Variants in CCDC7 observed in about 807,000 individuals in gnomAD.
CCDC7 encodes coiled-coil domain-containing protein 7.
Under a neutral mutation model 196.9 loss-of-function variants are expected in CCDC7, and 183 were observed. That is an observed-to-expected ratio of 0.93 (90% confidence interval 0.82 to 1.05). CCDC7 has a LOEUF of 1.05. Among genes scored for constraint, CCDC7 ranks in the 50% least tolerant of loss-of-function variants. The pLI is 0.00. For synonymous variants in CCDC7, 525 were observed against 484.6 expected, an observed-to-expected ratio of 1.08 and a Z score of -1.10; for missense variants, 1,540 against 1,482.2, an observed-to-expected ratio of 1.04 and a Z score of -0.64.
intron 28 of CCDC7, among the ~76,000 whole-genome samples, chr10:32,763,074 C>T (rs935964858): frequency 8.6e-5 from 13 of 151,698 alleles, no homozygotes; most frequent in African/African-American, 2.9e-4. Context: ...AAAAGAGAGC[C>T]AACAGATTCA....
At chr10:32,482,823 T>G (rs1204229052) in intron 8 of CCDC7, among the ~76,000 whole-genome samples, 1 of 152,232 alleles carries the variant, frequency 6.6e-6, no homozygotes, top group African/African-American at 2.4e-5. Flanking sequence ...ACAAAGGACA[T>G]GAACTCATCC....
chr10:32,621,360 T>C (rs1242868123), intron 18 of CCDC7, among the ~76,000 whole-genome samples: 1 of 152,306 alleles, frequency 6.6e-6, no homozygotes, highest in East Asian at 1.9e-4. Flanking sequence ...TCCCAGATAT[T>C]GAGGACAATT....
chr10:32,550,738 G>C (rs11599602), intron 13 of CCDC7, among the ~76,000 whole-genome samples: 20,416 of 152,012 alleles, frequency 0.13, 1,623 homozygotes, highest in African/African-American at 0.23. Flanking sequence ...CTGCATCCCT[G>C]GTATGAAACC....
intron 13 of CCDC7, among the ~76,000 whole-genome samples, chr10:32,550,597 G>T (rs1266910046): frequency 4.0e-5 from 6 of 151,782 alleles, no homozygotes; most frequent in Middle Eastern, 3.2e-3. Flanking sequence ...CCGTTTTGCT[G>T]AGAGTTTTAA....
chr10:32,454,273 T>C (rs1239557724), intron 2 of CCDC7, among the ~76,000 whole-genome samples: 1 of 152,154 alleles, frequency 6.6e-6, no homozygotes, highest in African/African-American at 2.4e-5. Context: ...GTGGTGGTGA[T>C]TACCCAACTA....
intron 8 of CCDC7, 109 bp downstream of exon 9, chr10:32,474,132 T>C (rs968371225): frequency 3.6e-6 from 4 of 1,100,146 alleles, no homozygotes; most frequent in Middle Eastern, 2.8e-4. Flanking sequence ...CCTTGGAGTT[T>C]GGAGCCATAT....
At chr10:32,821,645 G>A (rs2090221951) in intron 31 of CCDC7, among the ~76,000 whole-genome samples, 2 of 152,182 alleles carry the variant, frequency 1.3e-5, no homozygotes, top group South Asian at 2.1e-4. Flanking sequence ...AAAAGGATGA[G>A]CTCATGTCCT....
At chr10:32,764,149 A>G (rs548499278) in intron 28 of CCDC7, among the ~76,000 whole-genome samples, 1 of 151,718 alleles carries the variant, frequency 6.6e-6, no homozygotes, top group East Asian at 1.9e-4. Context: ...AGAAACTATA[A>G]TTGCCTCCCT....
At chr10:32,799,505 A>T (rs1417196792) in intron 29 of CCDC7, among the ~76,000 whole-genome samples, 5 of 152,116 alleles carry the variant, frequency 3.3e-5, no homozygotes, top group Non-Finnish European at 5.9e-5. Context: ...AACACACCAA[A>T]ATGAGGAATG....
At chr10:32,744,754 C>A (rs1009354402) in intron 28 of CCDC7, among the ~76,000 whole-genome samples, 7 of 152,094 alleles carry the variant, frequency 4.6e-5, no homozygotes, top group Admixed American at 4.6e-4. Flanking sequence ...TGTAATTTCC[C>A]AACCTGTGGC....
At chr10:32,649,744 G>A (rs771081626) in intron 20 of CCDC7, among the ~76,000 whole-genome samples, 49 of 152,132 alleles carry the variant, frequency 3.2e-4, no homozygotes, top group Non-Finnish European at 5.9e-4. Context: ...GTCTGACTGA[G>A]TTGATTCATA....
intron 41 of CCDC7, among the ~76,000 whole-genome samples, chr10:32,867,120 T>G (rs1231485665): frequency 1.3e-5 from 2 of 151,780 alleles, no homozygotes; most frequent in East Asian, 3.9e-4. Flanking sequence ...ACAAATTTAG[T>G]GCATGGTCCT....
intron 17 of CCDC7, 71 bp downstream of exon 18, chr10:32,583,378 T>C (rs2058929405): frequency 1.0e-6 from 1 of 992,844 alleles, no homozygotes; most frequent in Non-Finnish European, 1.3e-6. Flanking sequence ...TGCTAACCCA[T>C]TTAAATGGGT....
intron 18 of CCDC7, among the ~76,000 whole-genome samples, chr10:32,603,524 T>A (rs1590426595): frequency 6.7e-6 from 1 of 149,148 alleles, no homozygotes; most frequent in African/African-American, 2.4e-5. Context: ...GAAACCTCTA[T>A]AATGTTTTTT....
intron 18 of CCDC7, among the ~76,000 whole-genome samples, chr10:32,607,637 T>C (rs1465240355): frequency 2.0e-5 from 3 of 152,230 alleles, no homozygotes; most frequent in African/African-American, 7.2e-5. Context: ...TTTATTGATT[T>C]GTGGACATTG....
intron 20 of CCDC7, among the ~76,000 whole-genome samples, chr10:32,637,187 C>A (rs2065815579): frequency 6.6e-6 from 1 of 152,150 alleles, no homozygotes; most frequent in Non-Finnish European, 1.5e-5. Context: ...GCTGCCTGTT[C>A]ACTCTGATGG....
chr10:32,564,237 GT>G (rs1478006841), intron 13 of CCDC7, among the ~76,000 whole-genome samples: 1 of 152,180 alleles, frequency 6.6e-6, no homozygotes, highest in Non-Finnish European at 1.5e-5. Context: ...GTGGAAGGCA[GT>G]GTGGCGATTC....
chr10:32,511,957 A>G (rs2046287703), intron 9 of CCDC7: 10 of 548,720 alleles, frequency 1.8e-5, no homozygotes, highest in South Asian at 1.8e-4. Context: ...TTATGCATAA[A>G]TTTATATAGT....
chr10:32,856,308 A>G (rs1295765548), intron 41 of CCDC7, among the ~76,000 whole-genome samples: 1 of 152,214 alleles, frequency 6.6e-6, no homozygotes, highest in Non-Finnish European at 1.5e-5. Context: ...TTTTTAAATC[A>G]CATATCTGAT....
Sources: allele counts gnomAD v4.1 joint callset (sites outside exome capture counted in the v4.1 genomes callset), GRCh38; gene constraint gnomAD v4.1.1; transcripts MANE v1.5; gene names NCBI Gene and HGNC (gene_info 2026-07-23, HGNC 2026-07-21).